Variants in BRINP3 observed in about 807,000 individuals in gnomAD.
The protein encoded by BRINP3 is BMP/retinoic acid inducible neural specific 3.
In BRINP3, 19 loss-of-function variants were observed where a neutral mutation model predicts 71.0. The ratio of observed to expected loss-of-function variants is 0.27; its 90% confidence interval spans 0.19 to 0.39. The LOEUF (loss-of-function observed/expected upper bound fraction) is 0.39. Ranked by LOEUF, BRINP3 falls within the 10% of genes least tolerant of loss-of-function variation. The pLI is 1.00. For synonymous variants in BRINP3, 380 were observed against 337.7 expected (o/e 1.13, Z -1.37); for missense variants, 959 against 940.8 (o/e 1.02, Z -0.25).
intron 4 of BRINP3, among the ~76,000 whole-genome samples, chr1:190,262,310 C>T (rs2102864573): frequency 6.6e-6 from 1 of 152,208 alleles, no homozygotes; most frequent in Non-Finnish European, 1.5e-5. Flanking sequence ...GGAAATTCCC[C>T]TGAGGTCTAA....
intron 2 of BRINP3, among the ~76,000 whole-genome samples, chr1:190,377,747 T>C (rs1459103385): frequency 6.6e-6 from 1 of 151,366 alleles, no homozygotes; most frequent in Non-Finnish European, 1.5e-5. Flanking sequence ...CAATGAAAAA[T>C]CTGAAAATGA....
At chr1:190,321,856 C>G (rs1333414281) in intron 2 of BRINP3, among the ~76,000 whole-genome samples, 1 of 151,978 alleles carries the variant, frequency 6.6e-6, no homozygotes, top group East Asian at 1.9e-4. Context: ...AAAATGGTTG[C>G]TCAACATAAC....
At chr1:190,246,097 A>G (rs1659582683) in intron 4 of BRINP3, among the ~76,000 whole-genome samples, 1 of 26,518 alleles carries the variant, frequency 3.8e-5, no homozygotes, top group African/African-American at 1.4e-4. Context: ...AGCATGTTTT[A>G]TCCTTGGGTA....
chr1:190,285,751 C>A (rs1663374700), intron 2 of BRINP3, among the ~76,000 whole-genome samples: 2 of 150,724 alleles, frequency 1.3e-5, no homozygotes, highest in Admixed American at 1.3e-4. Flanking sequence ...TTCCTGAAGA[C>A]AAGATTCACC....
chr1:190,406,965 T>G (rs1215000901), intron 2 of BRINP3, among the ~76,000 whole-genome samples: 1 of 152,184 alleles, frequency 6.6e-6, no homozygotes, highest in Non-Finnish European at 1.5e-5. Flanking sequence ...CTTACGATAT[T>G]TCTGTGTAAC....
At chr1:190,264,405 T>C (rs1661470065) in intron 4 of BRINP3, among the ~76,000 whole-genome samples, 3 of 152,142 alleles carry the variant, frequency 2.0e-5, no homozygotes, top group Non-Finnish European at 1.5e-5. Context: ...TTAAAAACAT[T>C]GAGGGGTCAT....
chr1:190,283,575 T>G (rs1663200186), intron 2 of BRINP3, among the ~76,000 whole-genome samples: 1 of 150,914 alleles, frequency 6.6e-6, no homozygotes, highest in Non-Finnish European at 1.5e-5. Flanking sequence ...TGTTAGTCAC[T>G]TCTACAATAA....
chr1:190,121,968 A>G (rs1396189365), intron 7 of BRINP3, among the ~76,000 whole-genome samples: 1 of 152,220 alleles, frequency 6.6e-6, no homozygotes, highest in Non-Finnish European at 1.5e-5. Flanking sequence ...GTAATGTAAT[A>G]TGAATAAGTG....
At chr1:190,368,651 G>T (rs1333300729) in intron 2 of BRINP3, among the ~76,000 whole-genome samples, 1 of 152,076 alleles carries the variant, frequency 6.6e-6, no homozygotes. Flanking sequence ...TTTATTGAGG[G>T]TCTGAAGGAA....
At chr1:190,109,857 A>AC (rs1280593495) in intron 7 of BRINP3, among the ~76,000 whole-genome samples, 1 of 152,208 alleles carries the variant, frequency 6.6e-6, no homozygotes, top group African/African-American at 2.4e-5. Context: ...ACTGAGAGTT[A>AC]CACTATTGGC....
At chr1:190,281,978 A>T (rs1558142905) in intron 2 of BRINP3, among the ~76,000 whole-genome samples, 1 of 149,150 alleles carries the variant, frequency 6.7e-6, no homozygotes, top group East Asian at 2.1e-4. Flanking sequence ...TACAGCTTCC[A>T]CTGAGATTTT....
chr1:190,454,967 T>C, intron 1 of BRINP3, 27 bp from the exon 2 acceptor site: 1 of 1,119,786 alleles, frequency 8.9e-7, no homozygotes, highest in Non-Finnish European at 1.3e-6. Flanking sequence ...GGCAATTAGT[T>C]AACTCCTAGA....
chr1:190,136,840 A>T (rs1557998704), intron 7 of BRINP3, among the ~76,000 whole-genome samples: 1 of 152,072 alleles, frequency 6.6e-6, no homozygotes, highest in Non-Finnish European at 1.5e-5. Flanking sequence ...ATGGTTGCCA[A>T]TTATTGAGCA....
intron 6 of BRINP3, among the ~76,000 whole-genome samples, chr1:190,218,157 C>A (rs1298763264): frequency 1.3e-5 from 2 of 151,572 alleles, no homozygotes; most frequent in Non-Finnish European, 2.9e-5. Context: ...AGAAATAATA[C>A]ATTTTTGGTA....
intron 7 of BRINP3, among the ~76,000 whole-genome samples, chr1:190,107,564 T>C (rs1016550368): frequency 6.6e-6 from 1 of 152,038 alleles, no homozygotes; most frequent in Non-Finnish European, 1.5e-5. Context: ...ACTATAACAA[T>C]ATAGTGTTGT....
Position 190,098,391 on chromosome 1 carries a change from C to A in BRINP3, c.1928G>T (p.Ser643Ile), listed in dbSNP as rs1651386066. The A allele has an allele frequency of 6.2e-7, 1 of 1,614,152 alleles. No homozygotes were observed. The highest frequency in any genetic ancestry group is 8.5e-7 in the Non-Finnish European group (1 of 1,180,016). The change falls in exon 8 of 8, where the codon AGC becomes ATC. Residue 643 changes from serine to isoleucine, a missense_variant. Physicochemically the swap from Ser to Ile is moderately radical, Grantham distance 142. Transcript: ENST00000367462. ...AAACTCCAGAGGTTCATAGTAAATG[C>A]TCTCATTACCATTGGGACCATTGGA... ...IKSNGPNGNE[S>I]IYYEPLEFID... is the part of the protein sequence containing the mutation.
chr1:190,411,749 A>C (rs1672676203), intron 2 of BRINP3, among the ~76,000 whole-genome samples: 2 of 152,236 alleles, frequency 1.3e-5, no homozygotes, highest in Admixed American at 1.3e-4. Context: ...AAAAAGGTAG[A>C]GTGAAATAAC....
At chr1:190,329,203 A>G (rs1666802241) in intron 2 of BRINP3, among the ~76,000 whole-genome samples, 1 of 152,078 alleles carries the variant, frequency 6.6e-6, no homozygotes, top group South Asian at 2.1e-4. Context: ...ATAATAAAAA[A>G]GAATCCAAAT....
chr1:190,153,153 A>AT lies in BRINP3; in HGVS notation c.1184+7514dup, dbSNP rs528265774. ...TCAAGAACAGTGGGGTACATGCACGATTTTTTTTCCTTCTTCTTCTGTTGT... is the reference window on the plus strand; with the variant it reads ...TCAAGAACAGTGGGGTACATGCACGATTTTTTTTTCCTTCTTCTTCTGTTGT... On this transcript the variant is annotated intron_variant, in intron 7 of 7. Coordinates refer to ENST00000367462, the MANE Select transcript of BRINP3 (RefSeq NM_199051.3). 1.5e-3 allele frequency among the ~76,000 whole-genome samples: 230 copies of AT among 152,008 alleles called. 1 individual carries two copies. The highest frequency in any genetic ancestry group is 6.8e-3 in the Middle Eastern group (2 of 294).
Sources: gnomAD v4.1 joint callset for allele counts (sites outside exome capture counted in the v4.1 genomes callset) on GRCh38, gnomAD v4.1.1 for gene constraint, MANE v1.5 for transcripts, NCBI Gene and HGNC (gene_info 2026-07-23, HGNC 2026-07-21) for gene names.